The following PCBP2 variants were observed in gnomAD, a reference collection of about 807,000 sequenced individuals.
PCBP2 encodes the protein poly(rC)-binding protein 2.
A neutral mutation model predicts 50.1 loss-of-function variants in PCBP2; 4 were observed. The ratio of observed to expected loss-of-function variants is 0.08; its 90% CI spans 0.04 to 0.18. The LOEUF (loss-of-function observed/expected upper bound fraction) is 0.18. Among genes scored for constraint, PCBP2 ranks in the 10% least tolerant of loss-of-function variants. The probability of loss-of-function intolerance (pLI) is 1.00; values close to 1 mark genes in which losing one functional copy is unlikely to be tolerated. For missense variants in PCBP2, 161 were observed against 474.3 expected (o/e 0.34, Z 6.14); for synonymous variants, 179 against 168.0 (o/e 1.07, Z -0.51).
At chr12:53,470,378 C>CAAAAAAAAAAAAAAAAAAAAA (rs754350790) in intron 13 of PCBP2, among the ~76,000 whole-genome samples, 1 of 47,362 alleles carries the variant, frequency 2.1e-5, no homozygotes, top group African/African-American at 1.0e-4. Flanking sequence ...CTCCGTCTCT[C>CAAAAAAAAAAAAAAAAAAAAA]AAAAAAAAAA....
At chr12:53,464,736 C>T (rs746281031) in intron 8 of PCBP2, 24 bp from the exon 9 acceptor site, 2 of 1,610,092 alleles carry the variant, frequency 1.2e-6, no homozygotes, top group Non-Finnish European at 1.7e-6. Flanking sequence ...GCCCTGGAGA[C>T]TGAAATCCTC....
At chr12:53,468,980 G>A (rs780722641) in intron 13 of PCBP2, 148 bp downstream of exon 13, 18 of 582,178 alleles carry the variant, frequency 3.1e-5, no homozygotes, top group African/African-American at 1.5e-4. Flanking sequence ...TTGGCTCACC[G>A]CAGCCTCCGC....
At chr12:53,452,577 A>G (rs1357013453) in intron 1 of PCBP2, among the ~76,000 whole-genome samples, 3 of 147,976 alleles carry the variant, frequency 2.0e-5, no homozygotes, top group South Asian at 4.3e-4. Context: ...CGCAAGGCCT[A>G]TTCCCCCCTC....
rs1565877942 is a variant in PCBP2 at position 53,479,427 on chromosome 12, C to A, written c.1074C>A (p.Gly358=). Residue 358 remains glycine, a synonymous_variant, in exon 15 of 15, where the codon GGC becomes GGA. Coordinates refer to ENST00000546463, the MANE Select transcript of PCBP2 (RefSeq NM_031989.5). ...INVRLSSETG[G]MGSS ...ACAGGCTTTCCTCGGAGACGGGTGG[C>A]ATGGGGAGCAGCTAGAACAATGCAG... 3 of 1,613,954 alleles carry A rather than the reference C, an allele frequency of 1.9e-6. No individual in the cohort carries two copies.
chr12:53,464,014 C>T (rs1001647924), intron 8 of PCBP2, among the ~76,000 whole-genome samples: 3 of 152,118 alleles, frequency 2.0e-5, no homozygotes, highest in African/African-American at 7.2e-5. Flanking sequence ...CAGTTTAGTA[C>T]CTTGCTTTTA....
At chr12:53,467,596 T>A (rs1941909123) in intron 11 of PCBP2, 1 of 621,124 alleles carries the variant, frequency 1.6e-6, no homozygotes, top group African/African-American at 1.8e-5. Context: ...TGCTGCCCCC[T>A]TGATCTGATC....
intron 14 of PCBP2, chr12:53,476,211 C>G (rs1160913582): frequency 6.6e-6 from 1 of 152,140 alleles, no homozygotes; most frequent in Non-Finnish European, 1.5e-5. Context: ...TATTCCTGGC[C>G]GTATCCTTTC....
Position 53,459,305 on chromosome 12 carries a change from G to T in PCBP2, c.277G>T (p.Ala93Ser). ...ISSSMTNSTA[A>S]SRPPVTLRLV... is the part of the protein sequence containing the mutation. Reference sequence around the variant, plus strand: ...CAGCTCTATGACCAATAGCACAGCTGCCAGTAGACCCCCGGTCACCCTGAG... The same window carrying T: ...CAGCTCTATGACCAATAGCACAGCTTCCAGTAGACCCCCGGTCACCCTGAG... Residue 93 changes from alanine (A) to serine (S), a missense_variant, in exon 6 of 15, where the codon GCC becomes TCC. Ala to Ser is a moderately conservative substitution (Grantham distance 99). This residue lies in a region of PCBP2 where 24 missense variants were observed against 37.1 expected (regional missense o/e 0.65). Transcript: ENST00000546463. The T allele has an allele frequency of 1.2e-6, 2 of 1,612,990 alleles. No homozygotes were observed. Among genetic ancestry groups the T allele is most frequent in the Non-Finnish European group, 1.7e-6 (2 of 1,179,376 alleles).
At chr12:53,461,406 A>G (rs1003199138) in intron 7 of PCBP2, among the ~76,000 whole-genome samples, 3 of 152,242 alleles carry the variant, frequency 2.0e-5, no homozygotes, top group African/African-American at 4.8e-5. Flanking sequence ...GATGCACTGC[A>G]TGGACTAAGG....
Position 53,470,756 on chromosome 12 carries a change from GT to G in PCBP2, c.883-865del, listed in dbSNP as rs11377192. 8.8e-3 allele frequency among the ~76,000 whole-genome samples: 1,211 copies of G among 138,274 alleles called. 19 individuals carry two copies. Among genetic ancestry groups the G allele is most frequent in the African/African-American group, 0.024 (908 of 37,208 alleles). The allele number at this position is 138,274 out of a possible 152,430, so 90.7% of individuals were successfully genotyped here. ...ACAGTATTAGTGCAAATGTTAACCA[GT>G]TTTTTTTTTTTTTTTTCCACCTTTT... On this transcript the variant is annotated intron_variant, in intron 13 of 14. Transcript: ENST00000546463.
intron 12 of PCBP2, 112 bp from the exon 13 acceptor site, chr12:53,468,665 A>G (rs1941985346): frequency 1.2e-6 from 1 of 817,768 alleles, no homozygotes. Context: ...ATGAATCCCA[A>G]CAGCTAATGA....
chr12:53,476,837 C>T (rs1030517422), intron 14 of PCBP2, among the ~76,000 whole-genome samples: 3 of 152,146 alleles, frequency 2.0e-5, no homozygotes, highest in Non-Finnish European at 4.4e-5. Context: ...TGGTCCAGCT[C>T]TCTCCCTTGG....
At chr12:53,458,433 GAGTA>G (rs1223577522) in intron 5 of PCBP2, among the ~76,000 whole-genome samples, 1 of 151,452 alleles carries the variant, frequency 6.6e-6, no homozygotes, top group Non-Finnish European at 1.5e-5. Flanking sequence ...AGTCTCCCGA[GAGTA>G]GCCTGGACTA....
At chr12:53,468,479 C>G (rs1484015359) in intron 12 of PCBP2, 7 of 399,138 alleles carry the variant, frequency 1.8e-5, no homozygotes, top group Admixed American at 8.5e-5. Context: ...GACATTGGTC[C>G]TTTTTGAGGA....
At chr12:53,470,773 T>TC (rs397724605) in intron 13 of PCBP2, among the ~76,000 whole-genome samples, 55 of 151,096 alleles carry the variant, frequency 3.6e-4, no homozygotes, top group Middle Eastern at 3.4e-3. Context: ...TTTTTTTTTT[T>TC]CCACCTTTTC....
At chr12:53,476,548 G>A (rs1434900907) in intron 14 of PCBP2, among the ~76,000 whole-genome samples, 7 of 151,898 alleles carry the variant, frequency 4.6e-5, no homozygotes, top group African/African-American at 9.7e-5. Context: ...GAGAGTACAC[G>A]TTGCCACAGT....
Position 53,461,077 on chromosome 12 carries a change from C to T in PCBP2, c.438C>T (p.Ile146=). The T allele has an allele frequency of 6.2e-7, 1 of 1,614,016 alleles. No homozygotes were observed. Among genetic ancestry groups the T allele is most frequent in the Non-Finnish European group, 8.5e-7 (1 of 1,179,994 alleles). The part of the protein sequence containing the change: ...DMLPNSTERA[I]TIAGIPQSII... Reference sequence around the variant, plus strand: ...TACCCAACTCAACTGAGCGGGCCATCACTATTGCTGGCATTCCACAATCCA... The same window carrying T: ...TACCCAACTCAACTGAGCGGGCCATTACTATTGCTGGCATTCCACAATCCA... The change falls in exon 7 of 15, where the codon ATC becomes ATT. Residue 146 remains isoleucine, a synonymous_variant. Coordinates refer to ENST00000546463, the MANE Select transcript of PCBP2 (RefSeq NM_031989.5).
chr12:53,464,996 A>G, intron 9 of PCBP2, 144 bp downstream of exon 9: 2 of 1,017,216 alleles, frequency 2.0e-6, no homozygotes, highest in South Asian at 3.1e-5. Context: ...GACCCCCCCA[A>G]CCTCATTTCA....
At chr12:53,456,035 T>G (rs758299199) in intron 5 of PCBP2, 34 bp downstream of exon 5, 25 of 1,267,096 alleles carry the variant, frequency 2.0e-5, no homozygotes, top group Non-Finnish European at 2.8e-5. Flanking sequence ...TTCTTCATTT[T>G]TAAGTGCTTC....
Sources: allele counts gnomAD v4.1 joint callset (sites outside exome capture counted in the v4.1 genomes callset), GRCh38; gene constraint gnomAD v4.1.1; regional missense constraint gnomAD v4.1.1; transcripts MANE v1.5; gene names NCBI Gene and HGNC (gene_info 2026-07-23, HGNC 2026-07-21).